GRHL2: variants seen among roughly 807,000 people sequenced by gnomAD.
GRHL2 encodes grainyhead like transcription factor 2, also known as grainyhead-like protein 2 homolog.
In GRHL2, 21 loss-of-function variants were observed where a neutral mutation model predicts 83.8. The observed-to-expected ratio is 0.25, with a 90% CI of 0.18 to 0.36. The LOEUF is 0.36. Among genes scored for constraint, GRHL2 ranks in the 10% least tolerant of loss-of-function variants. The pLI, the probability that GRHL2 is intolerant of heterozygous loss-of-function variation, is 1.00. For synonymous variants in GRHL2, 280 were observed against 278.9 expected, an observed-to-expected ratio of 1.00 and a Z score of -0.04; for missense variants, 623 against 781.8, an observed-to-expected ratio of 0.80 and a Z score of 2.42.
At position 101,669,254 on chromosome 8, in the gene GRHL2, C is replaced by CTTTCTTTTTTTTTTTTT. The variant is rs1554599113; in HGVS notation, c.*2554_*2555insCTTTTTTTTTTTTTTTT. On this transcript the variant is annotated 3_prime_UTR_variant, in exon 16 of 16. Coordinates refer to ENST00000646743, the MANE Select transcript of GRHL2 (RefSeq NM_024915.4). ...GGACATGTGAAATGAGCATTTTTTTCTTTTTTTTTTTTAACAAAGTCTGAA... is the reference window on the plus strand; with the variant it reads ...GGACATGTGAAATGAGCATTTTTTTCTTTCTTTTTTTTTTTTTTTTTTTTTTTTTAACAAAGTCTGAA... 1 of 126,626 alleles carries CTTTCTTTTTTTTTTTTT rather than the reference C, an allele frequency of 7.9e-6. No individual in the cohort carries two copies. Among genetic ancestry groups the CTTTCTTTTTTTTTTTTT allele is most frequent in the African/African-American group, 2.8e-5 (1 of 35,560 alleles). 7.8% of individuals were successfully genotyped at this position (126,626 alleles called of 1,614,324 possible).
intron 4 of GRHL2, among the ~76,000 whole-genome samples, chr8:101,568,115 T>C (rs1289531217): frequency 6.6e-6 from 1 of 152,208 alleles, no homozygotes; most frequent in East Asian, 1.9e-4. Flanking sequence ...TACTATCCAA[T>C]GTTAGTCACT....
chr8:101,574,173 T>C (rs1005659604), intron 6 of GRHL2, among the ~76,000 whole-genome samples: 9 of 152,176 alleles, frequency 5.9e-5, no homozygotes, highest in East Asian at 5.8e-4. Context: ...CCTCTGTGGG[T>C]GAGAAAGAGC....
intron 1 of GRHL2, among the ~76,000 whole-genome samples, chr8:101,510,326 A>G (rs767166661): frequency 9.9e-5 from 15 of 152,162 alleles, no homozygotes; most frequent in Non-Finnish European, 2.2e-4. Context: ...AACTAACTCT[A>G]TAAGTATTTG....
At position 101,586,065 on chromosome 8, in the gene GRHL2, C is replaced by CTTTTTTTTTTTTTTTTTTTTTTT. The variant is rs67985027; in HGVS notation, c.1003+8549_1003+8571dup. On this transcript the variant is annotated intron_variant, in intron 7 of 15. Coordinates refer to ENST00000646743, the MANE Select transcript of GRHL2 (RefSeq NM_024915.4). ...TCTTCTTTCCTTCCACCTCATGTTT[C>CTTTTTTTTTTTTTTTTTTTTTTT]TTTTTTTTTTTTTTTTTTTTTTTTT... 1.2e-3 allele frequency among the ~76,000 whole-genome samples: 110 copies of CTTTTTTTTTTTTTTTTTTTTTTT among 94,284 alleles called. 7 individuals carry two copies. The highest frequency in any genetic ancestry group is 2.0e-3 in the Admixed American group (16 of 8,076). The allele number at this position is 94,284 out of a possible 152,430, so 61.9% of individuals were successfully genotyped here. A position where few individuals can be genotyped will look rare whatever the true frequency, so the allele number is the denominator to read the frequency against.
chr8:101,600,593 T>A (rs1292841916), intron 8 of GRHL2, among the ~76,000 whole-genome samples: 1 of 152,232 alleles, frequency 6.6e-6, no homozygotes, highest in Non-Finnish European at 1.5e-5. Context: ...GCAGTCTGTG[T>A]GACGGCACAG....
chr8:101,664,174 T>A (rs1813990402), intron 14 of GRHL2, among the ~76,000 whole-genome samples: 1 of 152,234 alleles, frequency 6.6e-6, no homozygotes, highest in Admixed American at 6.5e-5. Flanking sequence ...TGGCTACTAT[T>A]TCATCCAACA....
At chr8:101,619,367 A>G (rs536242587) in intron 8 of GRHL2, among the ~76,000 whole-genome samples, 172 bp from the exon 9 acceptor site, 1 of 152,262 alleles carries the variant, frequency 6.6e-6, no homozygotes, top group Non-Finnish European at 1.5e-5. Flanking sequence ...ATGTATAATT[A>G]TAAATTATAT....
intron 1 of GRHL2, among the ~76,000 whole-genome samples, chr8:101,539,642 A>T (rs952047870): frequency 3.3e-5 from 5 of 152,366 alleles, no homozygotes; most frequent in South Asian, 2.1e-4. Context: ...TAGATTAAAT[A>T]TGTAAATTTT....
intron 7 of GRHL2, among the ~76,000 whole-genome samples, chr8:101,578,805 C>A (rs1412450039): frequency 6.6e-6 from 1 of 152,198 alleles, no homozygotes; most frequent in Non-Finnish European, 1.5e-5. Context: ...TTCACCCTGG[C>A]TAGGACTTCT....
At chr8:101,502,210 A>G (rs1810242862) in intron 1 of GRHL2, among the ~76,000 whole-genome samples, 2 of 152,206 alleles carry the variant, frequency 1.3e-5, no homozygotes, top group African/African-American at 4.8e-5. Context: ...TTCATCTGTA[A>G]AATGGAATTG....
At chr8:101,573,610 C>T (rs1025030560) in intron 5 of GRHL2, 58 bp from the exon 6 acceptor site, 27 of 1,606,742 alleles carry the variant, frequency 1.7e-5, no homozygotes, top group Non-Finnish European at 2.3e-5. Flanking sequence ...TGAAATTGGT[C>T]AAAAGAGCAG....
intron 1 of GRHL2, among the ~76,000 whole-genome samples, chr8:101,516,138 G>T (rs1000037477): frequency 1.3e-5 from 2 of 152,084 alleles, no homozygotes; most frequent in Non-Finnish European, 2.9e-5. Flanking sequence ...CAGGAGGTCC[G>T]GTGCCCATTT....
intron 1 of GRHL2, among the ~76,000 whole-genome samples, chr8:101,542,565 A>G (rs936742657): frequency 1.3e-4 from 20 of 152,070 alleles, no homozygotes; most frequent in African/African-American, 4.8e-4. Flanking sequence ...GAAAAAAAAA[A>G]AAAAGAATAA....
rs997777078 is a variant in GRHL2, at chr8:101,667,327, T to G, written c.*624T>G. ...TAATTAGTAACACAGAAAGTCTGCC[T>G]GTCTGCATTGTACATAGTGTTTATA... is the stretch of plus-strand genomic sequence containing the variant. On this transcript the variant is annotated 3_prime_UTR_variant, in exon 16 of 16. Coordinates refer to ENST00000646743, the MANE Select transcript of GRHL2 (RefSeq NM_024915.4). 3 of 172,064 alleles carry G rather than the reference T, an allele frequency of 1.7e-5. No homozygotes were observed. Among genetic ancestry groups the G allele is most frequent in the Admixed American group, 1.6e-4 (3 of 18,462 alleles). The allele number at this position is 172,064 out of a possible 1,614,324, so 10.7% of individuals were successfully genotyped here.
intron 1 of GRHL2, among the ~76,000 whole-genome samples, chr8:101,493,602 C>T (rs986194572): frequency 6.6e-6 from 1 of 152,136 alleles, no homozygotes; most frequent in Non-Finnish European, 1.5e-5. Context: ...CCCGCGCCCC[C>T]GACGGCGTCT....
intron 6 of GRHL2, among the ~76,000 whole-genome samples, chr8:101,575,770 C>T (rs898291277): frequency 6.6e-6 from 1 of 152,112 alleles, no homozygotes; most frequent in East Asian, 1.9e-4. Context: ...CAGGAAGCCA[C>T]GCAGTAAACT....
intron 1 of GRHL2, among the ~76,000 whole-genome samples, chr8:101,537,020 A>G (rs1424849308): frequency 1.3e-5 from 2 of 152,044 alleles, no homozygotes; most frequent in African/African-American, 4.8e-5. Context: ...ATAAGTGAGA[A>G]CATGCAGTAT....
intron 11 of GRHL2, among the ~76,000 whole-genome samples, chr8:101,633,753 A>G (rs1813232492): frequency 6.6e-6 from 1 of 152,006 alleles, no homozygotes; most frequent in African/African-American, 2.4e-5. Context: ...TCCCAAGACC[A>G]TGGTGATGAT....
intron 1 of GRHL2, among the ~76,000 whole-genome samples, chr8:101,509,107 CTCCTTCCTTCCTTCCTTCCTTCCTTCCT>C (rs4002326): frequency 0.043 from 4,046 of 95,160 alleles, 277 homozygotes; most frequent in Middle Eastern, 0.086. Flanking sequence ...CTTTCTTTCT[CTCCTTCCTTCCTTCCTTCCTTCCTTCCT>C]TCCTTCCTTC....
Sources: gnomAD v4.1 joint callset for allele counts (sites outside exome capture counted in the v4.1 genomes callset) on GRCh38, gnomAD v4.1.1 for gene constraint, MANE v1.5 for transcripts, NCBI Gene and HGNC (gene_info 2026-07-23, HGNC 2026-07-21) for gene names.